Variants in DPYD observed in about 807,000 individuals in gnomAD.
The protein encoded by DPYD is dihydropyrimidine dehydrogenase, also known as dihydropyrimidine dehydrogenase [NADP(+)].
Under a neutral mutation model 116.2 loss-of-function variants are expected in DPYD, and 109 were observed. That is an observed-to-expected ratio of 0.94 (90% CI 0.80 to 1.10). The LOEUF is 1.10. DPYD is among the 50% of genes least tolerant of loss of function. The probability of loss-of-function intolerance (pLI) is 0.00; values close to 1 mark genes in which losing one functional copy is unlikely to be tolerated. For synonymous variants in DPYD, 440 were observed against 432.0 expected (o/e 1.02, Z -0.23); for missense variants, 1,302 against 1,254.5 (o/e 1.04, Z -0.57).
chr1:97,899,437 TC>T (rs1673250796), intron 1 of DPYD, among the ~76,000 whole-genome samples: 1 of 151,896 alleles, frequency 6.6e-6, no homozygotes, highest in South Asian at 2.1e-4. Context: ...ATGCGCCTTT[TC>T]CCTTTGTTTC....
At chr1:97,206,167 A>G (rs970706275) in intron 19 of DPYD, among the ~76,000 whole-genome samples, 3 of 151,942 alleles carry the variant, frequency 2.0e-5, no homozygotes, top group Non-Finnish European at 4.4e-5. Context: ...TTCAGCCTAA[A>G]AAAAAAACTC....
intron 15 of DPYD, among the ~76,000 whole-genome samples, chr1:97,380,802 C>A (rs780772777): frequency 6.6e-6 from 1 of 152,040 alleles, no homozygotes; most frequent in African/African-American, 2.4e-5. Context: ...GTGGGTTTTT[C>A]CATTGTAAGG....
chr1:97,449,942 G>T, intron 14 of DPYD, 117 bp downstream of exon 14: 2 of 1,329,994 alleles, frequency 1.5e-6, no homozygotes, highest in Non-Finnish European at 2.1e-6. Flanking sequence ...AAAGCAACTG[G>T]CAGATTCTTT....
chr1:97,268,840 T>C (rs1305076283), intron 18 of DPYD, among the ~76,000 whole-genome samples: 1 of 152,196 alleles, frequency 6.6e-6, no homozygotes, highest in Admixed American at 6.5e-5. Context: ...CCTGGATTTC[T>C]TCTATCCATA....
At chr1:97,858,123 A>C (rs978288452) in intron 2 of DPYD, among the ~76,000 whole-genome samples, 3 of 152,098 alleles carry the variant, frequency 2.0e-5, no homozygotes, top group Non-Finnish European at 4.4e-5. Flanking sequence ...CTCTTTACTT[A>C]AGGAATTTTA....
intron 3 of DPYD, among the ~76,000 whole-genome samples, chr1:97,754,291 T>C (rs1418743252): frequency 6.6e-6 from 1 of 152,128 alleles, no homozygotes; most frequent in African/African-American, 2.4e-5. Context: ...GACACAATAT[T>C]CAGAAATAAT....
intron 3 of DPYD, among the ~76,000 whole-genome samples, chr1:97,813,708 G>A (rs973172015): frequency 5.9e-5 from 9 of 152,110 alleles, no homozygotes; most frequent in South Asian, 4.1e-4. Context: ...AGAGCTATAA[G>A]CCTGAAGTTA....
chr1:97,130,019 G>A (rs1653153250), intron 20 of DPYD, among the ~76,000 whole-genome samples: 1 of 152,034 alleles, frequency 6.6e-6, no homozygotes, highest in Admixed American at 6.6e-5. Context: ...AAATAAAAAG[G>A]CACTCACTGC....
At chr1:97,916,147 T>G (rs1409578780) in intron 1 of DPYD, among the ~76,000 whole-genome samples, 1 of 152,204 alleles carries the variant, frequency 6.6e-6, no homozygotes, top group African/African-American at 2.4e-5. Context: ...ACTCTAGATC[T>G]TCTTAGTGTC....
At chr1:97,102,459 T>TTTATCTATC (rs1553213379) in intron 20 of DPYD, among the ~76,000 whole-genome samples, 1 of 125,094 alleles carries the variant, frequency 8.0e-6, no homozygotes, top group African/African-American at 3.0e-5. Context: ...CTGAAATCTA[T>TTTATCTATC]TATCTATCTA....
At chr1:97,916,820 C>A (rs1435922546) in intron 1 of DPYD, among the ~76,000 whole-genome samples, 1 of 152,096 alleles carries the variant, frequency 6.6e-6, no homozygotes, top group Non-Finnish European at 1.5e-5. Flanking sequence ...CCAGCCCGGG[C>A]AATATACTGA....
At chr1:97,819,039 C>A (rs1668781511) in intron 3 of DPYD, among the ~76,000 whole-genome samples, 1 of 151,872 alleles carries the variant, frequency 6.6e-6, no homozygotes, top group African/African-American at 2.4e-5. Context: ...GTAAAGTAAT[C>A]ATGCACTTTT....
At chr1:97,239,693 G>C (rs1662195276) in intron 18 of DPYD, among the ~76,000 whole-genome samples, 1 of 151,992 alleles carries the variant, frequency 6.6e-6, no homozygotes, top group African/African-American at 2.4e-5. Flanking sequence ...GGCAATTTGA[G>C]GATGAACTAG....
At chr1:97,374,648 G>C (rs929755401) in intron 15 of DPYD, among the ~76,000 whole-genome samples, 2 of 146,002 alleles carry the variant, frequency 1.4e-5, no homozygotes, top group South Asian at 4.4e-4. Context: ...GAACCCAGGA[G>C]GCGCAGCTTG....
intron 13 of DPYD, among the ~76,000 whole-genome samples, chr1:97,514,829 C>CT (rs899999834): frequency 6.6e-6 from 1 of 151,618 alleles, no homozygotes; most frequent in Non-Finnish European, 1.5e-5. Context: ...ATAATGCCAG[C>CT]TATTGATCCT....
chr1:97,098,668 G>C (rs1235090653), intron 20 of DPYD, 36 bp from the exon 21 acceptor site: 1 of 1,610,440 alleles, frequency 6.2e-7, no homozygotes. Flanking sequence ...AAGCATGTTA[G>C]CTCAGAGAAG....
chr1:97,341,082 G>C (rs1291765823), intron 16 of DPYD, among the ~76,000 whole-genome samples: 1 of 152,148 alleles, frequency 6.6e-6, no homozygotes, highest in Non-Finnish European at 1.5e-5. Context: ...GGAGTACCAT[G>C]ACATTAGGTC....
intron 1 of DPYD, among the ~76,000 whole-genome samples, chr1:97,911,652 T>C (rs1398796023): frequency 6.6e-6 from 1 of 151,958 alleles, no homozygotes; most frequent in Admixed American, 6.6e-5. Flanking sequence ...TGACAACCCA[T>C]ACTTCAAAGT....
At chr1:97,499,224 C>T (rs1679441430) in intron 13 of DPYD, among the ~76,000 whole-genome samples, 1 of 151,430 alleles carries the variant, frequency 6.6e-6, no homozygotes, top group Non-Finnish European at 1.5e-5. Flanking sequence ...GCCTTGTATT[C>T]CTTTGGTAAA....
Sources: allele counts gnomAD v4.1 joint callset (sites outside exome capture counted in the v4.1 genomes callset), GRCh38; gene constraint gnomAD v4.1.1; transcripts MANE v1.5; gene names NCBI Gene and HGNC (gene_info 2026-07-23, HGNC 2026-07-21).